The following NRG1 variants were observed in gnomAD, a reference collection of about 807,000 sequenced individuals.
The protein encoded by NRG1 is neuregulin 1, also known as pro-neuregulin-1, membrane-bound isoform.
NRG1 carries 18 observed loss-of-function variants against 63.8 expected under a neutral mutation model. That is an observed-to-expected ratio of 0.28 (90% confidence interval 0.19 to 0.42). The LOEUF (loss-of-function observed/expected upper bound fraction) is 0.42. NRG1 is among the 10% of genes least tolerant of loss of function. The probability of loss-of-function intolerance (pLI) is 1.00; values close to 1 mark genes in which losing one functional copy is unlikely to be tolerated. For synonymous variants in NRG1, 302 were observed against 301.3 expected (o/e 1.00, Z -0.02); for missense variants, 762 against 814.7 (o/e 0.94, Z 0.79).
At chr8:32,165,541 G>A (rs1352812954) in intron 1 of NRG1, among the ~76,000 whole-genome samples, 1 of 152,122 alleles carries the variant, frequency 6.6e-6, no homozygotes, top group East Asian at 1.9e-4. Flanking sequence ...CATAGCAAAA[G>A]GCAGACAGAA....
At chr8:32,232,908 T>C (rs186215205) in intron 1 of NRG1, among the ~76,000 whole-genome samples, 20 of 152,278 alleles carry the variant, frequency 1.3e-4, no homozygotes, top group Admixed American at 9.8e-4. Flanking sequence ...ATGGAATTCA[T>C]TATCATTTCT....
At chr8:32,426,839 A>T (rs1817439621) in intron 1 of NRG1, among the ~76,000 whole-genome samples, 1 of 152,226 alleles carries the variant, frequency 6.6e-6, no homozygotes, top group South Asian at 2.1e-4. Context: ...CAAGTGGAAG[A>T]TTCTACTTTT....
intron 1 of NRG1, among the ~76,000 whole-genome samples, chr8:32,117,496 C>T (rs1158787129): frequency 1.3e-5 from 2 of 152,014 alleles, no homozygotes; most frequent in East Asian, 3.9e-4. Flanking sequence ...TAAGGGTAGC[C>T]ATGACTTGAA....
At chr8:32,215,856 A>G (rs1183809860) in intron 1 of NRG1, among the ~76,000 whole-genome samples, 1 of 152,106 alleles carries the variant, frequency 6.6e-6, no homozygotes, top group Non-Finnish European at 1.5e-5. Flanking sequence ...CATCTGGCCA[A>G]CATGGTGAAA....
At chr8:32,139,575 G>A (rs1835977470) in intron 1 of NRG1, 1 of 152,154 alleles carries the variant, frequency 6.6e-6, no homozygotes, top group South Asian at 2.1e-4. Flanking sequence ...TTAAAATGTA[G>A]AGGCCACTTA....
At chr8:32,633,879 C>T (rs1021247373) in intron 5 of NRG1, among the ~76,000 whole-genome samples, 2 of 151,934 alleles carry the variant, frequency 1.3e-5, no homozygotes, top group African/African-American at 4.8e-5. Context: ...AGTCGACTCT[C>T]ACCTGTAGTC....
intron 1 of NRG1, among the ~76,000 whole-genome samples, chr8:32,032,106 A>C (rs1818342167): frequency 6.6e-6 from 1 of 152,166 alleles, no homozygotes; most frequent in African/African-American, 2.4e-5. Context: ...CCAACTTGCC[A>C]GCACCTGTCA....
rs1241249491 is a variant in NRG1, at chr8:32,557,924, T to C, written c.100+9098T>C. The stretch of plus-strand genomic sequence containing the variant: ...TTTGAAACATGTTGATGATATTGTG[T>C]GTTCCCAAGTGCCCTCAACCTGACA... On this transcript the variant is annotated intron_variant, in intron 1 of 11. Coordinates refer to ENST00000356819, the Ensembl canonical transcript of NRG1. Among the ~76,000 whole-genome samples, 8 of 152,210 alleles carry C rather than the reference T, an allele frequency of 5.3e-5. No homozygotes were observed. In the East Asian group the frequency reaches 1.5e-3, roughly 29 times the overall value.
chr8:32,622,755 T>C (rs1440691615), intron 5 of NRG1, among the ~76,000 whole-genome samples: 1 of 152,220 alleles, frequency 6.6e-6, no homozygotes, highest in Non-Finnish European at 1.5e-5. Flanking sequence ...TTGGGAAGTC[T>C]AATGTGAGAA....
intron 5 of NRG1, among the ~76,000 whole-genome samples, chr8:32,712,205 C>T (rs970610262): frequency 1.3e-5 from 2 of 152,104 alleles, no homozygotes; most frequent in African/African-American, 4.8e-5. Flanking sequence ...GCTTCTGGGA[C>T]AGAAAAGTAT....
chr8:32,760,559 C>G (rs1025907205), intron 11 of NRG1, 153 bp downstream of exon 11: 6 of 1,443,606 alleles, frequency 4.2e-6, no homozygotes, highest in Non-Finnish European at 5.4e-6. Context: ...GAAGTCATCT[C>G]TTTGTTTGAC....
chr8:32,185,757 A>G (rs921576502), intron 1 of NRG1, among the ~76,000 whole-genome samples: 2 of 152,184 alleles, frequency 1.3e-5, no homozygotes, highest in Admixed American at 6.5e-5. Flanking sequence ...TGATCTCACC[A>G]GTGAAAACCC....
In NRG1 at chr8:32,224,225, C is replaced by T. The variant is rs575573122; in HGVS notation, c.38-371603C>T. 5.9e-5 allele frequency among the ~76,000 whole-genome samples: 9 copies of T among 152,236 alleles called. No individual in the cohort carries two copies. In the East Asian group the frequency reaches 9.7e-4, roughly 16 times the overall value. ...TAAGGTCACCTCAGTATTGCAGTAACTTAATAACAACCAAGCGGCTGAATG... is the reference window on the plus strand; with the variant it reads ...TAAGGTCACCTCAGTATTGCAGTAATTTAATAACAACCAAGCGGCTGAATG... On this transcript the variant is annotated intron_variant, in intron 1 of 10. Coordinates refer to the NRG1 transcript ENST00000519301.
chr8:32,487,256 G>A (rs1826021931), intron 1 of NRG1, among the ~76,000 whole-genome samples: 2 of 151,886 alleles, frequency 1.3e-5, no homozygotes. Context: ...AACGAGTTCT[G>A]ACTAAAAGCT....
At chr8:31,891,350 A>G (rs1831128843) in intron 1 of NRG1, among the ~76,000 whole-genome samples, 1 of 152,200 alleles carries the variant, frequency 6.6e-6, no homozygotes, top group Non-Finnish European at 1.5e-5. Context: ...ATTTCACCAA[A>G]GAGGATATAC....
chr8:32,488,693 T>C (rs1826186765), intron 1 of NRG1, among the ~76,000 whole-genome samples: 1 of 152,120 alleles, frequency 6.6e-6, no homozygotes, highest in Admixed American at 6.5e-5. Context: ...CTTCCATGAA[T>C]TGTTCAGTGA....
At chr8:31,677,380 G>C (rs1807823425) in intron 1 of NRG1, among the ~76,000 whole-genome samples, 1 of 152,080 alleles carries the variant, frequency 6.6e-6, no homozygotes, top group Admixed American at 6.6e-5. Flanking sequence ...TAGGGATATA[G>C]AATCTATGGA....
intron 1 of NRG1, among the ~76,000 whole-genome samples, chr8:31,717,833 G>T (rs978812155): frequency 2.6e-5 from 4 of 152,050 alleles, no homozygotes; most frequent in Non-Finnish European, 4.4e-5. Flanking sequence ...ACTTTTCATG[G>T]CAATCTTTGA....
intron 1 of NRG1, among the ~76,000 whole-genome samples, chr8:32,033,749 C>A (rs889340503): frequency 2.6e-5 from 4 of 151,998 alleles, no homozygotes; most frequent in Admixed American, 6.6e-5. Flanking sequence ...TGGCTCTCTG[C>A]TTGTTATTGT....
Sources: gnomAD v4.1 joint callset for allele counts (sites outside exome capture counted in the v4.1 genomes callset) on GRCh38, gnomAD v4.1.1 for gene constraint, MANE v1.5 for transcripts, NCBI Gene and HGNC (gene_info 2026-07-23, HGNC 2026-07-21) for gene names.